Variants in DAG1 observed in about 807,000 individuals in gnomAD.
The protein encoded by DAG1 is dystroglycan 1.
Under a neutral mutation model 46.1 loss-of-function variants are expected in DAG1, and 8 were observed. The observed-to-expected ratio is 0.17, with a 90% CI of 0.10 to 0.31. The LOEUF (loss-of-function observed/expected upper bound fraction) is 0.31, where lower values mean the gene tolerates loss of function less well. Ranked by LOEUF, DAG1 falls within the 10% of genes least tolerant of loss-of-function variation. DAG1 has a pLI of 1.00. For synonymous variants in DAG1, 495 were observed against 481.8 expected, an observed-to-expected ratio of 1.03 and a Z score of -0.36; for missense variants, 1,003 against 1,189.9, an observed-to-expected ratio of 0.84 and a Z score of 2.31.
intron 2 of DAG1, among the ~76,000 whole-genome samples, chr3:49,527,671 C>G (rs965492593): frequency 1.3e-5 from 2 of 152,126 alleles, no homozygotes; most frequent in Non-Finnish European, 2.9e-5. Context: ...CCCCTGCACT[C>G]CAGCCTGGGT....
intron 1 of DAG1, among the ~76,000 whole-genome samples, chr3:49,491,432 TC>T (rs1469425439): frequency 6.6e-6 from 1 of 151,108 alleles, no homozygotes; most frequent in Non-Finnish European, 1.5e-5. Flanking sequence ...TGCCTCAGCC[TC>T]CCAAGTAGCA....
At chr3:49,492,048 T>C (rs1489417012) in intron 1 of DAG1, among the ~76,000 whole-genome samples, 8 of 152,036 alleles carry the variant, frequency 5.3e-5, no homozygotes, top group Non-Finnish European at 1.2e-4. Context: ...TGCCTCAGCC[T>C]CCTGAATAAC....
intron 1 of DAG1, among the ~76,000 whole-genome samples, chr3:49,499,087 A>G (rs1282504575): frequency 2.0e-5 from 3 of 152,196 alleles, no homozygotes; most frequent in Non-Finnish European, 4.4e-5. Context: ...TAGCGTAGCT[A>G]TTTGGGAGTA....
chr3:49,509,478 A>T (rs933369171), intron 1 of DAG1, among the ~76,000 whole-genome samples: 7 of 152,152 alleles, frequency 4.6e-5, no homozygotes, highest in Non-Finnish European at 7.4e-5. Context: ...TAAATCGAGA[A>T]CAGTCATCTT....
intron 2 of DAG1, among the ~76,000 whole-genome samples, chr3:49,529,495 C>T (rs2051284452): frequency 6.6e-6 from 1 of 152,134 alleles, no homozygotes; most frequent in Admixed American, 6.5e-5. Flanking sequence ...CAGGAGGAAG[C>T]CCAGGGAACC....
chr3:49,479,948 CATT>C lies in DAG1; in HGVS notation c.-117+9516_-117+9518del, dbSNP rs34577956. Among the ~76,000 whole-genome samples, 1,049 of 119,132 alleles carry C rather than the reference CATT, an allele frequency of 8.8e-3. 5 individuals are homozygous for C. The highest frequency in any genetic ancestry group is 0.013 in the Non-Finnish European group (746 of 57,560). The allele number at this position is 119,132 out of a possible 152,430, so 78.2% of individuals were successfully genotyped here. A position where few individuals can be genotyped will look rare whatever the true frequency, so the allele number is the denominator to read the frequency against. ...AGCCCCCGCGCCAGCCTGAATATAA[CATT>C]CTTTTTTTTTTTTTTTGAGACTGAG... On this transcript the variant is annotated intron_variant, in intron 1 of 2. Coordinates refer to ENST00000308775, the MANE Select transcript of DAG1 (RefSeq NM_004393.6).
At chr3:49,509,113 G>GT (rs1004046440) in intron 1 of DAG1, among the ~76,000 whole-genome samples, 3 of 152,046 alleles carry the variant, frequency 2.0e-5, no homozygotes, top group Admixed American at 2.0e-4. Context: ...GGACTCATGG[G>GT]TTTTTTTAAA....
chr3:49,480,641 G>T (rs2049852008), intron 1 of DAG1, among the ~76,000 whole-genome samples: 1 of 143,652 alleles, frequency 7.0e-6, no homozygotes, highest in African/African-American at 2.5e-5. Flanking sequence ...TAGACAGTTT[G>T]GTTCTTTTTT....
At chr3:49,497,457 T>C (rs1318745409) in intron 1 of DAG1, among the ~76,000 whole-genome samples, 1 of 125,208 alleles carries the variant, frequency 8.0e-6, no homozygotes, top group African/African-American at 3.0e-5. Context: ...AAAAAAAAAA[T>C]TAAAAAATGA....
intron 1 of DAG1, among the ~76,000 whole-genome samples, chr3:49,507,099 C>G (rs984202721): frequency 1.3e-5 from 2 of 152,016 alleles, no homozygotes; most frequent in Non-Finnish European, 2.9e-5. Flanking sequence ...GCCTGTAATT[C>G]CAGAACTTTG....
chr3:49,533,223 A>G lies in DAG1; in HGVS notation c.*24A>G. 4 of 1,607,246 alleles carry G rather than the reference A, an allele frequency of 2.5e-6. No individual in the cohort carries two copies. Among genetic ancestry groups the G allele is most frequent in the East Asian group, 4.5e-5 (2 of 44,860 alleles). On this transcript the variant is annotated 3_prime_UTR_variant, in exon 3 of 3. Transcript: ENST00000308775. ...AACCCGCAAGCGCCTGGGTGGAGGC[A>G]GGGTAGGGCAGGGGCCTGGAGACGA...
chr3:49,512,450 GACA>G lies in DAG1; in HGVS notation c.285+1632_285+1634del, dbSNP rs1202546489. ...TCTGTCACCCAAGCTGGAATGCAAT[GACA>G]CAATCTCAGCTCACTGCAACCTCCA... On this transcript the variant is annotated intron_variant, in intron 2 of 2. Coordinates refer to ENST00000308775, the MANE Select transcript of DAG1 (RefSeq NM_004393.6). Among the ~76,000 whole-genome samples the G allele has an allele frequency of 1.1e-4, 16 of 151,694 alleles. No individual in the cohort carries two copies. The South Asian group carries it at 1.2e-3, about 12-fold the overall frequency.
rs1220873576 is a variant in DAG1, at chr3:49,470,330, T to C, written c.-220T>C. On this transcript the variant is annotated 5_prime_UTR_variant, in exon 1 of 3. Coordinates refer to ENST00000308775, the MANE Select transcript of DAG1 (RefSeq NM_004393.6). ...CGCTCGCGCCTCTTAGGCTTGGCGG[T>C]GGCGGCGGCGGCAGCTTCGCGCCGA... The C allele has an allele frequency of 6.6e-6, 1 of 152,468 alleles. No individual in the cohort carries two copies. The highest frequency in any genetic ancestry group is 1.5e-5 in the Non-Finnish European group (1 of 68,424). 9.4% of individuals were successfully genotyped at this position (152,468 alleles called of 1,614,324 possible).
chr3:49,531,357 G>A lies in DAG1; in HGVS notation c.846G>A (p.Arg282=). ...PDIHGVEAPA[R]EGAMSAQLGY... Reference sequence around the variant, plus strand: ...TTCATGGTGTAGAGGCCCCTGCCAGGGAGGGCGCAATGTCTGCTCAGCTTG... The same window carrying A: ...TTCATGGTGTAGAGGCCCCTGCCAGAGAGGGCGCAATGTCTGCTCAGCTTG... Residue 282 remains arginine, a synonymous_variant, in exon 3 of 3, where the codon AGG becomes AGA. Transcript: ENST00000308775. The surrounding 1 kb of genome is among the most constrained non-coding windows in gnomAD (Gnocchi z 7.0). 1 of 1,614,106 alleles carries A rather than the reference G, an allele frequency of 6.2e-7. No individual in the cohort carries two copies. Among genetic ancestry groups the A allele is most frequent in the Middle Eastern group, 1.6e-4 (1 of 6,062 alleles).
chr3:49,517,964 T>G (rs2050939470), intron 2 of DAG1, among the ~76,000 whole-genome samples: 1 of 152,182 alleles, frequency 6.6e-6, no homozygotes, highest in African/African-American at 2.4e-5. Context: ...GAAAGGCCAG[T>G]GCCCACATGT....
chr3:49,492,092 A>G (rs918333644), intron 1 of DAG1, among the ~76,000 whole-genome samples: 1 of 151,534 alleles, frequency 6.6e-6, no homozygotes, highest in Non-Finnish European at 1.5e-5. Flanking sequence ...AAGCCCAGCT[A>G]ATTTTTGTAT....
chr3:49,468,965 G>A (rs1334194294), upstream of DAG1: 3 of 152,180 alleles, frequency 2.0e-5, no homozygotes. Context: ...TGGGACTACA[G>A]GCGGGAGCAC....
intron 1 of DAG1, among the ~76,000 whole-genome samples, chr3:49,483,997 G>A (rs184176207): frequency 1.8e-4 from 27 of 152,272 alleles, no homozygotes; most frequent in African/African-American, 5.1e-4. Context: ...GTGTTGGAAC[G>A]ATTGAATTGC....
At chr3:49,491,043 C>T (rs923796866) in intron 1 of DAG1, among the ~76,000 whole-genome samples, 6 of 151,948 alleles carry the variant, frequency 3.9e-5, no homozygotes, top group Admixed American at 6.6e-5. Flanking sequence ...CGCACTACTA[C>T]GCCTGGCTAA....
Sources: allele counts gnomAD v4.1 joint callset (sites outside exome capture counted in the v4.1 genomes callset), GRCh38; gene constraint gnomAD v4.1.1; non-coding constraint Gnocchi (gnomAD v3.1); transcripts MANE v1.5; gene names NCBI Gene and HGNC (gene_info 2026-07-23, HGNC 2026-07-21).